Variants in KCNH5 observed in about 807,000 individuals in gnomAD.
The protein encoded by KCNH5 is voltage-gated delayed rectifier potassium channel KCNH5.
A neutral mutation model predicts 96.1 loss-of-function variants in KCNH5; 46 were observed. That is an observed-to-expected ratio of 0.48 (90% CI 0.38 to 0.61). The LOEUF is 0.61. Among genes scored for constraint, KCNH5 ranks in the 20% least tolerant of loss-of-function variants. The pLI, the probability that KCNH5 is intolerant of heterozygous loss-of-function variation, is 0.00. For synonymous variants in KCNH5, 439 were observed against 449.8 expected, an observed-to-expected ratio of 0.98 and a Z score of 0.30; for missense variants, 907 against 1,225.8, an observed-to-expected ratio of 0.74 and a Z score of 3.88.
intron 8 of KCNH5, 43 bp from the exon 9 acceptor site, chr14:62,802,624 G>A (rs1179433411): frequency 6.2e-7 from 1 of 1,601,174 alleles, no homozygotes. Flanking sequence ...GAAAGAGGAA[G>A]GGGCCACTTC....
chr14:62,999,920 G>T (rs1428260284), intron 4 of KCNH5, among the ~76,000 whole-genome samples: 3 of 151,524 alleles, frequency 2.0e-5, no homozygotes. Context: ...TTAGAAGACT[G>T]TTCAATTTAA....
chr14:62,728,152 G>A (rs139487470), intron 10 of KCNH5, among the ~76,000 whole-genome samples: 11 of 151,480 alleles, frequency 7.3e-5, no homozygotes, highest in African/African-American at 1.9e-4. Context: ...AGGCTGAGGC[G>A]GGCAGATCAT....
chr14:62,975,832 T>C (rs1391780529), intron 6 of KCNH5, among the ~76,000 whole-genome samples: 2 of 152,102 alleles, frequency 1.3e-5, no homozygotes, highest in African/African-American at 4.8e-5. Context: ...CAAAACGTAA[T>C]TAATCACAAT....
intron 7 of KCNH5, among the ~76,000 whole-genome samples, chr14:62,909,380 A>G (rs1480171932): frequency 1.3e-5 from 2 of 152,166 alleles, no homozygotes; most frequent in Non-Finnish European, 2.9e-5. Flanking sequence ...AGAACCAGAC[A>G]AGGGATATGG....
chr14:62,839,306 C>T (rs1887527709), intron 8 of KCNH5, among the ~76,000 whole-genome samples: 1 of 151,980 alleles, frequency 6.6e-6, no homozygotes, highest in East Asian at 1.9e-4. Flanking sequence ...CTTTTGAAAA[C>T]AAAATGGTTA....
chr14:62,737,443 G>A (rs1410366896), intron 10 of KCNH5, among the ~76,000 whole-genome samples: 1 of 152,102 alleles, frequency 6.6e-6, no homozygotes, highest in Non-Finnish European at 1.5e-5. Flanking sequence ...CACTTACCTG[G>A]CATAAGTGGC....
intron 10 of KCNH5, among the ~76,000 whole-genome samples, chr14:62,730,699 T>G (rs1024394983): frequency 6.6e-6 from 1 of 152,156 alleles, no homozygotes; most frequent in African/African-American, 2.4e-5. Flanking sequence ...GATAACATAA[T>G]AGACTGACAG....
At chr14:62,862,920 TAGAC>T (rs1362706688) in intron 7 of KCNH5, among the ~76,000 whole-genome samples, 2 of 152,130 alleles carry the variant, frequency 1.3e-5, no homozygotes, top group African/African-American at 4.8e-5. Context: ...AGTCATTTCT[TAGAC>T]AGCAATAAAC....
intron 6 of KCNH5, among the ~76,000 whole-genome samples, chr14:62,973,131 ATC>A (rs1890440279): frequency 2.0e-5 from 3 of 152,246 alleles, no homozygotes; most frequent in Admixed American, 2.0e-4. Context: ...TACATGGGAA[ATC>A]TCTGCACCTC....
chr14:62,958,837 A>G (rs971135029), intron 6 of KCNH5, among the ~76,000 whole-genome samples: 1 of 152,072 alleles, frequency 6.6e-6, no homozygotes, highest in Non-Finnish European at 1.5e-5. Flanking sequence ...TCTGTCAACT[A>G]CCTAGCAAGT....
chr14:62,746,809 T>C (rs368070127), intron 10 of KCNH5, among the ~76,000 whole-genome samples: 2 of 152,374 alleles, frequency 1.3e-5, no homozygotes, highest in African/African-American at 4.8e-5. Context: ...CCTTGACAAG[T>C]CTGACTAGTG....
chr14:62,995,823 C>A lies in KCNH5; in HGVS notation c.433+5508G>T, dbSNP rs372232130. ...TATATATTTACTAGTTTGCCTCCCC[C>A]ACTAGAATGTGACAGAAGAGACTTT... On this transcript the variant is annotated intron_variant, in intron 4 of 10. Coordinates refer to ENST00000322893, the MANE Select transcript of KCNH5 (RefSeq NM_139318.5). 4.5e-4 allele frequency among the ~76,000 whole-genome samples: 68 copies of A among 152,158 alleles called. 4 individuals are homozygous for A. In the South Asian group the frequency reaches 5.2e-3, roughly 12 times the overall value.
At position 62,703,559 on chromosome 14, in the gene KCNH5, A is replaced by C. The variant is rs1884379902; in HGVS notation, c.*3949T>G. 1 of 151,856 alleles carries C rather than the reference A, an allele frequency of 6.6e-6. No individual in the cohort carries two copies. Among genetic ancestry groups the C allele is most frequent in the South Asian group, 2.1e-4 (1 of 4,834 alleles). 9.4% of individuals were successfully genotyped at this position (151,856 alleles called of 1,614,324 possible). On this transcript the variant is annotated 3_prime_UTR_variant, in exon 11 of 11. Transcript: ENST00000322893. ...CACTAGGAAAGGTTAACTTGCCCAT[A>C]ATTACACTTCTAGTTTGTGGTAAAG... is the stretch of plus-strand genomic sequence containing the variant.
At chr14:63,009,252 G>C (rs1420915611) in intron 2 of KCNH5, among the ~76,000 whole-genome samples, 1 of 152,076 alleles carries the variant, frequency 6.6e-6, no homozygotes, top group Admixed American at 6.6e-5. Flanking sequence ...CTCTTTGAGG[G>C]ATTGGTTTAA....
At chr14:62,808,931 T>C (rs570165044) in intron 8 of KCNH5, among the ~76,000 whole-genome samples, 1 of 152,228 alleles carries the variant, frequency 6.6e-6, no homozygotes, top group Admixed American at 6.6e-5. Context: ...AGGTTTCTAA[T>C]ACCTTTGGAA....
At chr14:62,816,296 G>C (rs1232353693) in intron 8 of KCNH5, among the ~76,000 whole-genome samples, 1 of 151,824 alleles carries the variant, frequency 6.6e-6, no homozygotes, top group South Asian at 2.1e-4. Flanking sequence ...GTGTGTATAT[G>C]TATACATGTA....
At chr14:62,871,734 G>A (rs1888259227) in intron 7 of KCNH5, among the ~76,000 whole-genome samples, 1 of 152,160 alleles carries the variant, frequency 6.6e-6, no homozygotes, top group African/African-American at 2.4e-5. Flanking sequence ...AGCAAAGGAT[G>A]TGGAAGGACA....
intron 8 of KCNH5, among the ~76,000 whole-genome samples, chr14:62,803,703 C>A (rs1307633682): frequency 6.6e-6 from 1 of 152,094 alleles, no homozygotes; most frequent in Non-Finnish European, 1.5e-5. Flanking sequence ...ATTAAAGACC[C>A]ACATTAAAAT....
At position 63,045,114 on chromosome 14, in the gene KCNH5, C is replaced by A. The variant is rs780845188; in HGVS notation, c.73G>T (p.Glu25Ter). 6 of 1,613,160 alleles carry A rather than the reference C, an allele frequency of 3.7e-6. No individual in the cohort carries two copies. Among genetic ancestry groups the A allele is most frequent in the Non-Finnish European group, 5.1e-6 (6 of 1,179,326 alleles). The change falls in exon 1 of 11, where the codon GAA (glutamate) becomes TAA (stop). Residue 25 changes from glutamate to a stop codon, truncating the protein, a stop_gained and splice_region_variant. Coordinates refer to ENST00000322893, the MANE Select transcript of KCNH5 (RefSeq NM_139318.5). LOFTEE classifies it high-confidence loss of function. ...TGTTCTGAACTACAACTCTCCTTACCACTGGAGCGCCTGACGATGTTCTCC... is the reference window on the plus strand; with the variant it reads ...TGTTCTGAACTACAACTCTCCTTACAACTGGAGCGCCTGACGATGTTCTCC... Reference protein sequence around the residue: ...FLENIVRRSSESSFLLGNAQI... With the variant: ...FLENIVRRSS
Sources: gnomAD v4.1 joint callset for allele counts (sites outside exome capture counted in the v4.1 genomes callset) on GRCh38, gnomAD v4.1.1 for gene constraint, MANE v1.5 for transcripts, NCBI Gene and HGNC (gene_info 2026-07-23, HGNC 2026-07-21) for gene names.